Variants in ACACB observed in about 807,000 individuals in gnomAD.
ACACB encodes acetyl-CoA carboxylase beta, also known as acetyl-CoA carboxylase 2.
ACACB carries 209 observed loss-of-function variants against 278.8 expected under a neutral mutation model. The observed-to-expected ratio is 0.75, with a 90% CI of 0.67 to 0.84. The LOEUF (loss-of-function observed/expected upper bound fraction) is 0.84, where lower values mean the gene tolerates loss of function less well. Ranked by LOEUF, ACACB falls within the 40% of genes least tolerant of loss-of-function variation. The pLI is 0.00. For synonymous variants in ACACB, 1,174 were observed against 1,285.6 expected, an observed-to-expected ratio of 0.91 and a Z score of 1.86; for missense variants, 2,850 against 3,269.0, an observed-to-expected ratio of 0.87 and a Z score of 3.13.
chr12:109,181,604 T>C (rs1593485585), intron 11 of ACACB, among the ~76,000 whole-genome samples: 1 of 152,190 alleles, frequency 6.6e-6, no homozygotes, highest in African/African-American at 2.4e-5. Context: ...TTGTGAATAG[T>C]GCTACAATAA....
chr12:109,249,738 C>T (rs751174050), intron 40 of ACACB: 26 of 313,842 alleles, frequency 8.3e-5, no homozygotes, highest in South Asian at 1.3e-4. Context: ...GTAATCTGCC[C>T]GCCTCGTCCT....
rs186938934 is a variant in ACACB, at chr12:109,211,223, G to A, written c.3250-1613G>A. On this transcript the variant is annotated intron_variant, in intron 21 of 52. Transcript: ENST00000338432. ...ATTCTCGGAGGTTAGGAGTTCTATG[G>A]GTTGGAATGTTGTTCAGCCAAAGAA... is the stretch of plus-strand genomic sequence containing the variant. 1.5e-3 allele frequency among the ~76,000 whole-genome samples: 224 copies of A among 152,140 alleles called. 1 individual carries two copies. Among genetic ancestry groups the A allele is most frequent in the African/African-American group, 5.3e-3 (220 of 41,486 alleles).
intron 33 of ACACB, chr12:109,236,526 TAGC>T (rs2046636973): frequency 6.5e-6 from 1 of 152,856 alleles, no homozygotes; most frequent in Non-Finnish European, 1.5e-5. Flanking sequence ...ACTCTAACAG[TAGC>T]AGAATTGAGT....
chr12:109,148,172 T>A (rs113826901), intron 2 of ACACB, among the ~76,000 whole-genome samples: 1 of 152,164 alleles, frequency 6.6e-6, no homozygotes, highest in Non-Finnish European at 1.5e-5. Context: ...TTGGAAACAG[T>A]CCCTGAGGTT....
rs1318893474 is a variant in ACACB at position 109,267,825 on chromosome 12, A to G, written c.*1463A>G. The G allele has an allele frequency of 6.6e-6, 1 of 152,484 alleles. No homozygotes were observed. Among genetic ancestry groups the G allele is most frequent in the Non-Finnish European group, 1.5e-5 (1 of 68,270 alleles). The allele number at this position is 152,484 out of a possible 1,614,324, so 9.4% of individuals were successfully genotyped here. On this transcript the variant is annotated 3_prime_UTR_variant, in exon 53 of 53. Coordinates refer to ENST00000338432, the MANE Select transcript of ACACB (RefSeq NM_001093.4). ...TCGGGGATGGAGGGAGCTGGCCACA[A>G]CCCACTGCTCTGATGGGTGGTTTGT...
chr12:109,180,504 T>G (rs2044429164), intron 11 of ACACB, among the ~76,000 whole-genome samples: 1 of 152,228 alleles, frequency 6.6e-6, no homozygotes, highest in African/African-American at 2.4e-5. Context: ...AGAGGCAATA[T>G]CATCCCTGTT....
Position 109,171,843 on chromosome 12 carries a change from G to A in ACACB, c.964G>A (p.Gly322Arg). ...KMADHYVPVP[G>R]GPNNNNYANV... is the part of the protein sequence containing the mutation. Reference sequence around the variant, plus strand: ...GGCGGATCATTACGTCCCCGTCCCAGGAGGGCCCAATAACAACAACTATGC... The same window carrying A: ...GGCGGATCATTACGTCCCCGTCCCAAGAGGGCCCAATAACAACAACTATGC... The change falls in exon 5 of 53, where the codon GGA becomes AGA. Residue 322 changes from glycine (G) to arginine (R), a missense_variant. Transcript: ENST00000338432. The A allele has an allele frequency of 6.2e-7, 1 of 1,614,122 alleles. No homozygotes were observed. Among genetic ancestry groups the A allele is most frequent in the South Asian group, 1.1e-5 (1 of 91,070 alleles).
intron 21 of ACACB, among the ~76,000 whole-genome samples, chr12:109,210,405 GCACA>G (rs781230692): frequency 2.9e-5 from 4 of 137,734 alleles, no homozygotes; most frequent in Non-Finnish European, 6.2e-5. Context: ...GTATATACAC[GCACA>G]CACATGTGTA....
chr12:109,251,554 T>C (rs1240738089), intron 41 of ACACB, among the ~76,000 whole-genome samples: 1 of 152,244 alleles, frequency 6.6e-6, no homozygotes, highest in East Asian at 1.9e-4. Context: ...TATAAGATAC[T>C]ACAGAGAATT....
At chr12:109,185,492 C>T (rs1477939507) in intron 11 of ACACB, 87 bp from the exon 12 acceptor site, 11 of 1,428,344 alleles carry the variant, frequency 7.7e-6, no homozygotes, top group Non-Finnish European at 1.1e-5. Flanking sequence ...TTGACTGAAC[C>T]TCCGTTGCAT....
At chr12:109,239,586 G>A (rs898736295) in intron 34 of ACACB, among the ~76,000 whole-genome samples, 6 of 152,344 alleles carry the variant, frequency 3.9e-5, no homozygotes, top group African/African-American at 1.4e-4. Context: ...ATGATCCAGG[G>A]TCAGCAAGGC....
intron 1 of ACACB, among the ~76,000 whole-genome samples, chr12:109,122,720 G>C (rs530453447): frequency 1.9e-4 from 29 of 151,872 alleles, no homozygotes; most frequent in African/African-American, 7.0e-4. Context: ...TTTTGGTATA[G>C]GAAAAAAAGT....
At chr12:109,145,010 C>G (rs1042736814) in intron 2 of ACACB, among the ~76,000 whole-genome samples, 1 of 152,128 alleles carries the variant, frequency 6.6e-6, no homozygotes. Context: ...ATCCACCTGT[C>G]TAGGCCTCCC....
At chr12:109,237,023 A>G (rs2046648947) in intron 33 of ACACB, 142 bp from the exon 34 acceptor site, 1 of 785,704 alleles carries the variant, frequency 1.3e-6, no homozygotes, top group Non-Finnish European at 2.2e-6. Flanking sequence ...CAATTAGGGA[A>G]CATCATGAAT....
intron 2 of ACACB, among the ~76,000 whole-genome samples, chr12:109,144,451 G>C (rs2043189224): frequency 6.6e-6 from 1 of 152,172 alleles, no homozygotes; most frequent in Non-Finnish European, 1.5e-5. Flanking sequence ...CACACATACA[G>C]GCAGGGTAGT....
At chr12:109,207,602 G>A (rs1371347912) in intron 20 of ACACB, among the ~76,000 whole-genome samples, 2 of 152,170 alleles carry the variant, frequency 1.3e-5, no homozygotes, top group African/African-American at 4.8e-5. Flanking sequence ...GTGCTGTACC[G>A]GGTCCGTCTC....
intron 41 of ACACB, 137 bp downstream of exon 41, chr12:109,250,241 A>G (rs150651241): frequency 0.017 from 15,479 of 937,070 alleles, 179 homozygotes; most frequent in Middle Eastern, 0.019. Context: ...ATGCCAGCCC[A>G]CTGATATTTC....
At chr12:109,264,148 C>G in intron 49 of ACACB, 84 bp from the exon 50 acceptor site, 1 of 1,451,598 alleles carries the variant, frequency 6.9e-7, no homozygotes, top group East Asian at 2.3e-5. Flanking sequence ...TGATTTGTGC[C>G]TTCTTCAAAA....
rs1289244176 is a variant in ACACB at position 109,139,790 on chromosome 12, G to T, written c.385G>T (p.Asp129Tyr). 6.2e-7 allele frequency: 1 copy of T among 1,614,226 alleles called. No individual in the cohort carries two copies. Among genetic ancestry groups the T allele is most frequent in the South Asian group, 1.1e-5 (1 of 91,088 alleles). ...GTGTQGLEAT[D>Y]TNGLSSSARP... Reference sequence around the variant, plus strand: ...TGGGACACAAGGTCTGGAGGCCACAGATACCAATGGCCTGTCCTCCTCAGC... The same window carrying T: ...TGGGACACAAGGTCTGGAGGCCACATATACCAATGGCCTGTCCTCCTCAGC... Residue 129 changes from aspartate (D) to tyrosine (Y), a missense_variant, in exon 2 of 53, where the codon GAT becomes TAT. By Grantham distance (160) the Asp-to-Tyr change is radical. This residue lies in a region of ACACB where 2,265 missense variants were observed against 2,561.3 expected (regional missense o/e 0.88). Transcript: ENST00000338432.
Sources: gnomAD v4.1 joint callset for allele counts (sites outside exome capture counted in the v4.1 genomes callset) on GRCh38, gnomAD v4.1.1 for gene constraint, gnomAD v4.1.1 regional missense constraint, MANE v1.5 for transcripts, NCBI Gene and HGNC (gene_info 2026-07-23, HGNC 2026-07-21) for gene names.